Variants in EIF4G3 observed in about 807,000 individuals in gnomAD.
EIF4G3 encodes eIF-4-gamma 3.
Under a neutral mutation model 186.4 loss-of-function variants are expected in EIF4G3, and 34 were observed. The ratio of observed to expected loss-of-function variants is 0.18; its 90% CI spans 0.14 to 0.24. EIF4G3 has a LOEUF of 0.24. Ranked by LOEUF, EIF4G3 falls within the 10% of genes least tolerant of loss-of-function variation. The probability of loss-of-function intolerance (pLI) is 1.00; values close to 1 mark genes in which losing one functional copy is unlikely to be tolerated. For synonymous variants in EIF4G3, 673 were observed against 679.5 expected (o/e 0.99, Z 0.15); for missense variants, 1,536 against 1,948.5 (o/e 0.79, Z 3.99).
Position 21,037,349 on chromosome 1 carries a change from G to A in EIF4G3, c.-67+13517C>T, listed in dbSNP as rs925036. Among the ~76,000 whole-genome samples, 411 of 152,278 alleles carry A rather than the reference G, an allele frequency of 2.7e-3. 4 individuals carry two copies. Among genetic ancestry groups the A allele is most frequent in the Admixed American group, 0.024 (367 of 15,302 alleles). ...AGCTAGTTTTCATTCAACTATTTAG[G>A]GGCTTACTATGGATCAGGCACTGCT... On this transcript the variant is annotated intron_variant, in intron 4 of 36. Transcript: ENST00000602326.
At chr1:20,996,075 C>T (rs2082227562) in intron 7 of EIF4G3, among the ~76,000 whole-genome samples, 1 of 152,166 alleles carries the variant, frequency 6.6e-6, no homozygotes, top group African/African-American at 2.4e-5. Context: ...ATTATAAACA[C>T]TCTTTTACAT....
intron 3 of EIF4G3, among the ~76,000 whole-genome samples, chr1:21,054,339 C>CCGGAAGGT (rs2094461430): frequency 7.5e-6 from 1 of 134,086 alleles, no homozygotes; most frequent in South Asian, 2.4e-4. Context: ...CTGCGGAAGG[C>CCGGAAGGT]CGCAGGGTCC....
intron 2 of EIF4G3, among the ~76,000 whole-genome samples, chr1:21,157,190 C>A (rs1019972370): frequency 1.3e-5 from 2 of 152,118 alleles, no homozygotes; most frequent in Non-Finnish European, 2.9e-5. Flanking sequence ...ACACCATACA[C>A]CATTTCCTAA....
chr1:20,862,446 C>T (rs2076576556), intron 22 of EIF4G3, 114 bp from the exon 23 acceptor site: 6 of 637,810 alleles, frequency 9.4e-6, no homozygotes, highest in Non-Finnish European at 1.5e-5. Flanking sequence ...GATGGGGTTT[C>T]ACTCCGTTGC....
intron 2 of EIF4G3, among the ~76,000 whole-genome samples, chr1:21,136,851 G>A (rs1209549874): frequency 1.3e-5 from 2 of 152,134 alleles, no homozygotes; most frequent in African/African-American, 4.8e-5. Context: ...GTAGCCTCCA[G>A]GAACGCTGGG....
intron 2 of EIF4G3, among the ~76,000 whole-genome samples, chr1:21,133,734 A>C (rs1386994659): frequency 6.6e-6 from 1 of 152,222 alleles, no homozygotes; most frequent in African/African-American, 2.4e-5. Context: ...AACTGTTTAA[A>C]TTCAAAGGCC....
At chr1:20,833,386 G>A (rs1311920646) in intron 30 of EIF4G3, among the ~76,000 whole-genome samples, 1 of 152,138 alleles carries the variant, frequency 6.6e-6, no homozygotes, top group Admixed American at 6.5e-5. Context: ...GTGAATGGGA[G>A]TTCACTCATG....
At chr1:21,028,212 C>A (rs901425128) in intron 4 of EIF4G3, among the ~76,000 whole-genome samples, 1 of 152,060 alleles carries the variant, frequency 6.6e-6, no homozygotes, top group African/African-American at 2.4e-5. Flanking sequence ...AAAGATGGAT[C>A]GTGTGATCAC....
intron 2 of EIF4G3, among the ~76,000 whole-genome samples, chr1:21,160,511 A>G (rs2097747946): frequency 6.6e-6 from 1 of 152,326 alleles, no homozygotes; most frequent in Middle Eastern, 3.4e-3. Flanking sequence ...AGGAAAGAGA[A>G]TAACTCCACA....
chr1:21,030,171 T>C (rs1323829447), intron 4 of EIF4G3, among the ~76,000 whole-genome samples: 2 of 152,072 alleles, frequency 1.3e-5, no homozygotes, highest in South Asian at 2.1e-4. Context: ...ACTGGGCTGG[T>C]TGGAGAAATT....
At chr1:21,006,913 CA>C (rs1557464560) in intron 4 of EIF4G3, among the ~76,000 whole-genome samples, 1 of 152,164 alleles carries the variant, frequency 6.6e-6, no homozygotes, top group Non-Finnish European at 1.5e-5. Flanking sequence ...AACATTTATA[CA>C]GCTTTTACTA....
At chr1:21,137,569 G>A (rs2097267865) in intron 2 of EIF4G3, among the ~76,000 whole-genome samples, 1 of 152,138 alleles carries the variant, frequency 6.6e-6, no homozygotes, top group African/African-American at 2.4e-5. Context: ...AACACTTTGG[G>A]AGTTAGAGGC....
At chr1:21,122,486 T>C (rs1277233502) in intron 2 of EIF4G3, among the ~76,000 whole-genome samples, 1 of 152,230 alleles carries the variant, frequency 6.6e-6, no homozygotes, top group Non-Finnish European at 1.5e-5. Flanking sequence ...GGAGAATTAC[T>C]TTTTTTGCAT....
At chr1:21,019,810 G>A (rs952588226) in intron 4 of EIF4G3, among the ~76,000 whole-genome samples, 1 of 152,154 alleles carries the variant, frequency 6.6e-6, no homozygotes, top group Non-Finnish European at 1.5e-5. Context: ...CTTGAACCCA[G>A]GAGGCAGAGC....
chr1:20,870,447 T>G (rs1433046141), intron 20 of EIF4G3, among the ~76,000 whole-genome samples: 1 of 152,122 alleles, frequency 6.6e-6, no homozygotes, highest in Non-Finnish European at 1.5e-5. Context: ...AAGAAACTCA[T>G]TCAAGTTGGT....
chr1:20,965,800 G>C (rs755231378), intron 12 of EIF4G3, among the ~76,000 whole-genome samples: 1 of 148,260 alleles, frequency 6.7e-6, no homozygotes, highest in South Asian at 2.1e-4. Context: ...TATTCATTGC[G>C]CACCAGGCAC....
chr1:21,113,490 C>T (rs2096763970), intron 2 of EIF4G3, among the ~76,000 whole-genome samples: 1 of 151,664 alleles, frequency 6.6e-6, no homozygotes, highest in Non-Finnish European at 1.5e-5. Flanking sequence ...TTTTTAATTA[C>T]ACCAAAATTC....
At chr1:20,898,518 T>C (rs978102102) in intron 16 of EIF4G3, among the ~76,000 whole-genome samples, 6 of 152,174 alleles carry the variant, frequency 3.9e-5, no homozygotes, top group African/African-American at 7.2e-5. Flanking sequence ...TTACATGTAA[T>C]AGACTGACAT....
intron 2 of EIF4G3, chr1:21,175,132 TTTA>T (rs1198382448): frequency 1.3e-5 from 2 of 152,228 alleles, no homozygotes; most frequent in African/African-American, 4.8e-5. Context: ...CCAATCATTA[TTTA>T]TTGATTTACA....
Sources: allele counts gnomAD v4.1 joint callset (sites outside exome capture counted in the v4.1 genomes callset), GRCh38; gene constraint gnomAD v4.1.1; transcripts MANE v1.5; gene names NCBI Gene and HGNC (gene_info 2026-07-23, HGNC 2026-07-21).